The following KAT14 variants were observed in gnomAD, a reference collection of about 807,000 sequenced individuals.
The protein encoded by KAT14 is cysteine-rich protein 2-binding protein.
KAT14 carries 66 observed loss-of-function variants against 78.4 expected under a neutral mutation model. The observed-to-expected ratio is 0.84, with a 90% confidence interval of 0.69 to 1.03. The LOEUF is 1.03. KAT14 is among the 50% of genes least tolerant of loss of function. The pLI is 0.00. For missense variants in KAT14, 870 were observed against 972.5 expected (o/e 0.89, Z 1.40); for synonymous variants, 344 against 359.4 (o/e 0.96, Z 0.48).
intron 9 of KAT14, chr20:18,183,579 C>T (rs1331412146): frequency 2.1e-6 from 2 of 971,548 alleles, no homozygotes; most frequent in Non-Finnish European, 2.4e-6. Context: ...GTTTAGATAC[C>T]AGGTAATGTC....
intron 3 of KAT14, among the ~76,000 whole-genome samples, chr20:18,150,527 A>G (rs887647708): frequency 2.6e-5 from 4 of 152,092 alleles, no homozygotes; most frequent in Admixed American, 2.6e-4. Flanking sequence ...CAGCTGATTC[A>G]GGGGCATCTC....
intron 4 of KAT14, among the ~76,000 whole-genome samples, chr20:18,152,786 C>G (rs1041093700): frequency 6.6e-6 from 1 of 152,170 alleles, no homozygotes; most frequent in Non-Finnish European, 1.5e-5. Context: ...TTAGCAAAGT[C>G]TGGGCACATC....
chr20:18,164,972 C>G lies in KAT14; in HGVS notation c.1668+2027C>G, dbSNP rs182967244. On this transcript the variant is annotated intron_variant, in intron 7 of 10. Transcript: ENST00000688188. ...TTCTTGTGGGCCTGTCTGTTTACTG[C>G]CTATACTTAATTTTTTAAATTGTAA... 3.6e-3 allele frequency among the ~76,000 whole-genome samples: 553 copies of G among 152,012 alleles called. 6 individuals carry two copies. The highest frequency in any genetic ancestry group is 0.013 in the African/African-American group (534 of 41,448).
chr20:18,161,720 T>C, intron 5 of KAT14, 103 bp from the exon 6 acceptor site: 2 of 1,456,750 alleles, frequency 1.4e-6, no homozygotes, highest in Non-Finnish European at 1.8e-6. Flanking sequence ...ATAAGTAAAA[T>C]GCAAATATTC....
intron 7 of KAT14, among the ~76,000 whole-genome samples, chr20:18,181,231 A>G (rs1008699763): frequency 1.3e-5 from 2 of 152,178 alleles, no homozygotes; most frequent in African/African-American, 4.8e-5. Context: ...GTTTTATGCA[A>G]AGGTGTCTAT....
chr20:18,137,416 G>C (rs984681455), upstream of KAT14, among the ~76,000 whole-genome samples: 5 of 152,206 alleles, frequency 3.3e-5, no homozygotes, highest in Non-Finnish European at 7.3e-5. Context: ...CCACGGATGG[G>C]AACCCCGCGC....
At chr20:18,157,362 C>T (rs574097728) in intron 4 of KAT14, among the ~76,000 whole-genome samples, 3 of 152,270 alleles carry the variant, frequency 2.0e-5, no homozygotes, top group East Asian at 1.9e-4. Context: ...ACCACAGGCA[C>T]GTGCCATCAC....
chr20:18,138,232 C>A, intron 1 of KAT14, 181 bp downstream of exon 1: 4 of 1,250,610 alleles, frequency 3.2e-6, no homozygotes, highest in Non-Finnish European at 4.0e-6. Context: ...GCTCCGGGCG[C>A]TGCAGCTCCC....
chr20:18,146,787 A>G (rs966111657), intron 3 of KAT14, among the ~76,000 whole-genome samples: 6 of 151,948 alleles, frequency 3.9e-5, no homozygotes, highest in Middle Eastern at 3.2e-3. Flanking sequence ...TGAGGCTGCA[A>G]TGAGCTGTGA....
At chr20:18,138,273 C>G in intron 1 of KAT14, 7 of 1,221,262 alleles carry the variant, frequency 5.7e-6, no homozygotes, top group Non-Finnish European at 7.1e-6. Flanking sequence ...AGATTCAGGA[C>G]GACCCGGCTG....
At position 18,184,703 on chromosome 20, in the gene KAT14, T is replaced by C. The variant is rs2039395184; in HGVS notation, c.2083T>C (p.Tyr695His). Residue 695 changes from tyrosine (Y) to histidine (H), a missense_variant, in exon 10 of 11, where the codon TAC becomes CAC. Tyr to His is a moderately conservative substitution (Grantham distance 83). Transcript: ENST00000688188. ...AFGFMVPDVK[Y>H]NEAYISFLFV... ...TGGCTTCATGGTTCCTGATGTGAAA[T>C]ACAATGAAGCTTACATTTCATTTCT... is the stretch of plus-strand genomic sequence containing the variant. 1 of 1,613,892 alleles carries C rather than the reference T, an allele frequency of 6.2e-7. No homozygotes were observed. The highest frequency in any genetic ancestry group is 8.5e-7 in the Non-Finnish European group (1 of 1,179,944).
chr20:18,175,165 C>T (rs1255792900), intron 7 of KAT14, among the ~76,000 whole-genome samples: 1 of 152,046 alleles, frequency 6.6e-6, no homozygotes, highest in Non-Finnish European at 1.5e-5. Context: ...CTCTCTTTTT[C>T]CCACAATCAG....
intron 7 of KAT14, among the ~76,000 whole-genome samples, chr20:18,175,300 A>C (rs117826196): frequency 6.6e-6 from 1 of 151,970 alleles, no homozygotes; most frequent in East Asian, 1.9e-4. Context: ...ATCCACCCTC[A>C]CCCAGGAAGG....
At chr20:18,183,552 G>A (rs1371240681) in intron 9 of KAT14, 2 of 984,486 alleles carry the variant, frequency 2.0e-6, no homozygotes, top group Non-Finnish European at 2.4e-6. Context: ...GATTCATCCT[G>A]TTTTGCTTCT....
chr20:18,171,273 G>A (rs1350287031), intron 7 of KAT14, among the ~76,000 whole-genome samples: 1 of 152,218 alleles, frequency 6.6e-6, no homozygotes, highest in Non-Finnish European at 1.5e-5. Context: ...AGAATTAGAA[G>A]TGGAGCCTGA....
In KAT14 at chr20:18,175,564, T is replaced by C. The variant is rs528854990; in HGVS notation, c.1669-6146T>C. Among the ~76,000 whole-genome samples the C allele has an allele frequency of 1.5e-3, 224 of 152,272 alleles. 1 individual carries two copies. The highest frequency in any genetic ancestry group is 5.1e-3 in the African/African-American group (213 of 41,562). On this transcript the variant is annotated intron_variant, in intron 7 of 10. Coordinates refer to ENST00000688188, the MANE Select transcript of KAT14 (RefSeq NM_001392073.1). ...TTCCCTCTCATGTCTGTAGCATCTC[T>C]CAGATGGGCTTGGAAAGGGACCAAG...
chr20:18,138,551 C>T (rs1205503383), intron 1 of KAT14: 1 of 771,678 alleles, frequency 1.3e-6, no homozygotes, highest in African/African-American at 1.9e-5. Flanking sequence ...GATTTTATCC[C>T]ATGGTAAGGG....
chr20:18,144,898 C>T (rs112197927), intron 2 of KAT14, among the ~76,000 whole-genome samples: 4 of 152,150 alleles, frequency 2.6e-5, no homozygotes, highest in African/African-American at 9.7e-5. Context: ...GCCTGGTATG[C>T]AGAGGGAGCT....
At chr20:18,138,166 T>G in intron 1 of KAT14, 115 bp downstream of exon 1, 29 of 1,322,356 alleles carry the variant, frequency 2.2e-5, no homozygotes, top group East Asian at 9.9e-5. Flanking sequence ...TCCCCCGCGG[T>G]GGCGCGGCCC....
Sources: allele counts gnomAD v4.1 joint callset (sites outside exome capture counted in the v4.1 genomes callset), GRCh38; gene constraint gnomAD v4.1.1; transcripts MANE v1.5; gene names NCBI Gene and HGNC (gene_info 2026-07-23, HGNC 2026-07-21).